MAP2K5: variants seen among roughly 807,000 people sequenced by gnomAD.
MAP2K5 encodes the protein mitogen-activated protein kinase kinase 5.
Under a neutral mutation model 83.1 loss-of-function variants are expected in MAP2K5, and 49 were observed. The observed-to-expected ratio is 0.59, with a 90% CI of 0.47 to 0.75. MAP2K5 has a LOEUF of 0.75. Among genes scored for constraint, MAP2K5 ranks in the 30% least tolerant of loss-of-function variants. The probability of loss-of-function intolerance (pLI) is 0.00; values close to 1 mark genes in which losing one functional copy is unlikely to be tolerated. For missense variants in MAP2K5, 457 were observed against 557.5 expected (o/e 0.82, Z 1.82); for synonymous variants, 202 against 191.8 (o/e 1.05, Z -0.44).
intron 14 of MAP2K5, among the ~76,000 whole-genome samples, chr15:67,692,878 GC>G (rs1342214090): frequency 6.6e-6 from 1 of 152,180 alleles, no homozygotes; most frequent in African/African-American, 2.4e-5. Flanking sequence ...TGCCTGGGGA[GC>G]CCAACTGGCC....
intron 11 of MAP2K5, among the ~76,000 whole-genome samples, chr15:67,650,474 T>C (rs1216916630): frequency 6.6e-6 from 1 of 151,704 alleles, no homozygotes; most frequent in Non-Finnish European, 1.5e-5. Flanking sequence ...AGTTGTCCTT[T>C]GTCAGGTTGA....
intron 21 of MAP2K5, among the ~76,000 whole-genome samples, chr15:67,803,311 A>G (rs1480680671): frequency 6.6e-6 from 1 of 152,198 alleles, no homozygotes. Flanking sequence ...TGGCCTTGCC[A>G]AGATGCCTAG....
At chr15:67,608,655 C>T (rs1414283759) in intron 8 of MAP2K5, among the ~76,000 whole-genome samples, 1 of 152,130 alleles carries the variant, frequency 6.6e-6, no homozygotes, top group South Asian at 2.1e-4. Context: ...GCTAACTTTT[C>T]TCTGAGAAAG....
chr15:67,606,208 G>T, intron 8 of MAP2K5, among the ~76,000 whole-genome samples: 1 of 152,164 alleles, frequency 6.6e-6, no homozygotes. Flanking sequence ...TAGTAAGTCA[G>T]TTAGCCAGCA....
At chr15:67,550,239 T>G (rs2084481747) in intron 2 of MAP2K5, among the ~76,000 whole-genome samples, 157 bp downstream of exon 2, 1 of 152,254 alleles carries the variant, frequency 6.6e-6, no homozygotes, top group African/African-American at 2.4e-5. Context: ...AGTTTAATGA[T>G]GATACTGAAC....
At chr15:67,612,049 C>T (rs1289925669) in intron 8 of MAP2K5, among the ~76,000 whole-genome samples, 1 of 150,012 alleles carries the variant, frequency 6.7e-6, no homozygotes, top group Non-Finnish European at 1.5e-5. Flanking sequence ...CACATGACTC[C>T]CTGGAAATTT....
At chr15:67,566,398 A>G (rs957691413) in intron 3 of MAP2K5, among the ~76,000 whole-genome samples, 1 of 151,850 alleles carries the variant, frequency 6.6e-6, no homozygotes, top group Non-Finnish European at 1.5e-5. Flanking sequence ...CTGGTCTCGA[A>G]CTCCTGATCT....
chr15:67,579,586 A>G (rs1596589559), intron 3 of MAP2K5, among the ~76,000 whole-genome samples: 1 of 152,186 alleles, frequency 6.6e-6, no homozygotes. Context: ...GTGTGTAGCT[A>G]TCCAACATCC....
chr15:67,720,397 T>C lies in MAP2K5; in HGVS notation c.1045-7519T>C, dbSNP rs974806213. ...ACACAAGGAAAAAAAGAAAATGATG[T>C]AAGTGAAATAGCGTATGGGAGAGGA... On this transcript the variant is annotated intron_variant, in intron 16 of 21. Coordinates refer to ENST00000178640, the MANE Select transcript of MAP2K5 (RefSeq NM_145160.3). The surrounding 1 kb of genome is among the most constrained non-coding windows in gnomAD (Gnocchi z 5.7). Among the ~76,000 whole-genome samples the C allele has an allele frequency of 6.6e-6, 1 of 152,080 alleles. No individual in the cohort carries two copies. Among genetic ancestry groups the C allele is most frequent in the Non-Finnish European group, 1.5e-5 (1 of 68,012 alleles).
At chr15:67,626,867 C>T (rs912556158) in intron 8 of MAP2K5, among the ~76,000 whole-genome samples, 5 of 152,100 alleles carry the variant, frequency 3.3e-5, no homozygotes, top group Non-Finnish European at 7.4e-5. Flanking sequence ...CACAGCAGTG[C>T]ACTCCAGCCT....
intron 3 of MAP2K5, among the ~76,000 whole-genome samples, chr15:67,575,902 T>TTCTG (rs2085048206): frequency 1.3e-4 from 1 of 7,442 alleles, no homozygotes; most frequent in Non-Finnish European, 4.1e-4. Context: ...CTTTTTTTCT[T>TTCTG]TCTTTCTTTC....
intron 13 of MAP2K5, among the ~76,000 whole-genome samples, chr15:67,685,536 G>C (rs948664231): frequency 2.0e-5 from 3 of 151,990 alleles, no homozygotes; most frequent in Non-Finnish European, 2.9e-5. Context: ...ATAAAAAGAT[G>C]TTTTCTCACT....
At chr15:67,709,439 G>C (rs1390175533) in intron 16 of MAP2K5, among the ~76,000 whole-genome samples, 1 of 147,962 alleles carries the variant, frequency 6.8e-6, no homozygotes, top group Non-Finnish European at 1.5e-5. Context: ...GAGATTTTTA[G>C]GATTATTAAC....
intron 16 of MAP2K5, among the ~76,000 whole-genome samples, chr15:67,714,411 AG>A (rs34107836): frequency 0.11 from 326 of 3,040 alleles, 37 homozygotes; most frequent in Non-Finnish European, 0.23. Context: ...CCCAGCTGCC[AG>A]GGAAAAAAAA....
In MAP2K5 at chr15:67,768,900, G is replaced by A. The variant is rs1016271447; in HGVS notation, c.1135-702G>A. On this transcript the variant is annotated intron_variant, in intron 19 of 21. Transcript: ENST00000178640. This position sits in a 1 kb window ranked among gnomAD's most constrained non-coding sequence, Gnocchi z 4.0. ...TGGGGTTTGCTCTTTGTATTATGTGGTGGTGGTTGTTTGTTGCTGTGTAGT... is the reference window on the plus strand; with the variant it reads ...TGGGGTTTGCTCTTTGTATTATGTGATGGTGGTTGTTTGTTGCTGTGTAGT... Among the ~76,000 whole-genome samples the A allele has an allele frequency of 3.3e-5, 5 of 152,202 alleles. No individual in the cohort carries two copies. Among genetic ancestry groups the A allele is most frequent in the African/African-American group, 4.8e-5 (2 of 41,448 alleles).
At chr15:67,670,746 G>C (rs2087510994) in intron 13 of MAP2K5, among the ~76,000 whole-genome samples, 1 of 151,678 alleles carries the variant, frequency 6.6e-6, no homozygotes, top group African/African-American at 2.4e-5. Flanking sequence ...ACCAACCCTT[G>C]TGATTTAAAG....
chr15:67,670,361 T>C (rs1051460463), intron 13 of MAP2K5: 2 of 454,326 alleles, frequency 4.4e-6, no homozygotes, highest in Admixed American at 2.4e-5. Context: ...TTTTGGTATG[T>C]TGGAAATGTT....
chr15:67,608,273 G>C (rs142889119), intron 8 of MAP2K5, among the ~76,000 whole-genome samples: 142 of 152,312 alleles, frequency 9.3e-4, no homozygotes, highest in Non-Finnish European at 1.1e-3. Context: ...TGAGTTTACA[G>C]ACATATGGAC....
chr15:67,642,985 A>G (rs2086747083), intron 9 of MAP2K5, among the ~76,000 whole-genome samples: 1 of 152,170 alleles, frequency 6.6e-6, no homozygotes, highest in Admixed American at 6.5e-5. Flanking sequence ...ACCTTAAATA[A>G]GTGATTCTCA....
Sources: gnomAD v4.1 joint callset for allele counts (sites outside exome capture counted in the v4.1 genomes callset) on GRCh38, gnomAD v4.1.1 for gene constraint, Gnocchi (gnomAD v3.1) non-coding constraint, MANE v1.5 for transcripts, NCBI Gene and HGNC (gene_info 2026-07-23, HGNC 2026-07-21) for gene names.